CSMD3: variants seen among roughly 807,000 people sequenced by gnomAD.
CSMD3 encodes the protein CUB and sushi domain-containing protein 3.
Under a neutral mutation model 435.2 loss-of-function variants are expected in CSMD3, and 177 were observed. The ratio of observed to expected loss-of-function variants is 0.41; its 90% CI spans 0.36 to 0.46. The LOEUF (loss-of-function observed/expected upper bound fraction) is 0.46, where lower values mean the gene tolerates loss of function less well. Among genes scored for constraint, CSMD3 ranks in the 20% least tolerant of loss-of-function variants. CSMD3 has a pLI of 0.34. For synonymous variants in CSMD3, 1,656 were observed against 1,520.5 expected, an observed-to-expected ratio of 1.09 and a Z score of -2.07; for missense variants, 4,265 against 4,504.6, an observed-to-expected ratio of 0.95 and a Z score of 1.52.
At chr8:113,374,367 C>T (rs776900918) in intron 1 of CSMD3, among the ~76,000 whole-genome samples, 3 of 151,934 alleles carry the variant, frequency 2.0e-5, no homozygotes, top group Non-Finnish European at 4.4e-5. Flanking sequence ...ATTATTTTAA[C>T]GAATGAGACA....
At chr8:113,205,494 G>A (rs150548150) in intron 3 of CSMD3, among the ~76,000 whole-genome samples, 1 of 152,220 alleles carries the variant, frequency 6.6e-6, no homozygotes, top group East Asian at 1.9e-4. Context: ...ATATCATACA[G>A]CCTAGGTGTG....
At chr8:112,226,042 T>C (rs1021650879) in intron 70 of CSMD3, among the ~76,000 whole-genome samples, 1 of 152,192 alleles carries the variant, frequency 6.6e-6, no homozygotes, top group Non-Finnish European at 1.5e-5. Flanking sequence ...TTGTTTATAC[T>C]GAACAATCGA....
At chr8:112,248,637 C>A (rs181423914) in intron 63 of CSMD3, among the ~76,000 whole-genome samples, 6 of 152,060 alleles carry the variant, frequency 3.9e-5, no homozygotes, top group African/African-American at 1.2e-4. Flanking sequence ...ATTCCTACCC[C>A]CTCTTGAGCG....
chr8:112,927,689 T>C (rs955314712), intron 9 of CSMD3, among the ~76,000 whole-genome samples: 1 of 152,106 alleles, frequency 6.6e-6, no homozygotes, highest in African/African-American at 2.4e-5. Context: ...TACCAAAACT[T>C]TTCTTCAAAA....
intron 18 of CSMD3, 69 bp from the exon 19 acceptor site, chr8:112,650,418 A>T (rs1193451000): frequency 8.2e-7 from 1 of 1,213,192 alleles, no homozygotes. Flanking sequence ...AATAATTCCT[A>T]GTTCTTCAAA....
intron 1 of CSMD3, among the ~76,000 whole-genome samples, chr8:113,385,905 T>A (rs1282355046): frequency 2.0e-5 from 3 of 152,100 alleles, no homozygotes; most frequent in African/African-American, 7.2e-5. Context: ...TTTCCTCATC[T>A]TTAGAGGTCA....
chr8:113,181,073 C>T (rs557837508), intron 3 of CSMD3, among the ~76,000 whole-genome samples: 12 of 151,732 alleles, frequency 7.9e-5, no homozygotes, highest in Middle Eastern at 6.8e-3. Flanking sequence ...TGAAAGGGAA[C>T]CCAAATAAAT....
chr8:112,837,354 T>C (rs1375186193), intron 11 of CSMD3, among the ~76,000 whole-genome samples: 2 of 151,774 alleles, frequency 1.3e-5, no homozygotes, highest in Non-Finnish European at 2.9e-5. Context: ...ATGCTTTAAC[T>C]AATGCCAATA....
chr8:112,342,159 T>C (rs1825184179), intron 41 of CSMD3, among the ~76,000 whole-genome samples: 1 of 152,118 alleles, frequency 6.6e-6, no homozygotes, highest in African/African-American at 2.4e-5. Context: ...AGAAATTAAC[T>C]TCTCAGAAAT....
At chr8:112,653,019 G>A (rs142450683) in intron 18 of CSMD3, among the ~76,000 whole-genome samples, 1 of 152,128 alleles carries the variant, frequency 6.6e-6, no homozygotes, top group East Asian at 1.9e-4. Context: ...GTTTCACCAC[G>A]TTGGCCAGGC....
At chr8:112,408,493 C>T (rs1298547626) in intron 33 of CSMD3, 80 bp from the exon 34 acceptor site, 1 of 892,424 alleles carries the variant, frequency 1.1e-6, no homozygotes, top group Admixed American at 1.7e-5. Flanking sequence ...TAATCTTACA[C>T]TGTCATTTGA....
chr8:113,378,984 T>C (rs144841719), intron 1 of CSMD3, among the ~76,000 whole-genome samples: 1 of 152,322 alleles, frequency 6.6e-6, no homozygotes, highest in African/African-American at 2.4e-5. Flanking sequence ...AAGGAGCTTG[T>C]AGTCCATGAC....
Position 113,282,357 on chromosome 8 carries a change from T to A in CSMD3, c.402-3653A>T, listed in dbSNP as rs187983099. On this transcript the variant is annotated intron_variant, in intron 2 of 70. Transcript: ENST00000297405. Reference sequence around the variant, plus strand: ...GACTCCTCCAGAAAGCTCCTGGAACTGATAAAAGAATTCAGCAAAGTTTCC... The same window carrying A: ...GACTCCTCCAGAAAGCTCCTGGAACAGATAAAAGAATTCAGCAAAGTTTCC... Among the ~76,000 whole-genome samples the A allele has an allele frequency of 5.1e-3, 777 of 152,130 alleles. 10 individuals carry two copies. The highest frequency in any genetic ancestry group is 0.018 in the African/African-American group (750 of 41,540).
intron 3 of CSMD3, among the ~76,000 whole-genome samples, chr8:113,239,708 C>G: frequency 6.6e-6 from 1 of 152,012 alleles, no homozygotes; most frequent in Middle Eastern, 3.4e-3. Context: ...AAAGTCTAGA[C>G]TGCTGTGAAG....
intron 61 of CSMD3, among the ~76,000 whole-genome samples, chr8:112,260,995 G>A (rs967964500): frequency 6.6e-6 from 1 of 152,082 alleles, no homozygotes; most frequent in African/African-American, 2.4e-5. Context: ...CCTAGAAGGA[G>A]CTCCTTTGGA....
intron 5 of CSMD3, among the ~76,000 whole-genome samples, chr8:113,070,472 C>A (rs1362759304): frequency 6.6e-6 from 1 of 151,904 alleles, no homozygotes; most frequent in East Asian, 1.9e-4. Flanking sequence ...TACTTAAGAT[C>A]TATCATCTTA....
chr8:112,936,920 A>G (rs1173762184), intron 9 of CSMD3, among the ~76,000 whole-genome samples: 2 of 152,140 alleles, frequency 1.3e-5, no homozygotes, highest in Non-Finnish European at 2.9e-5. Flanking sequence ...AACTACCTGT[A>G]GCCTCAATTG....
At chr8:113,050,428 T>C (rs1303473155) in intron 5 of CSMD3, among the ~76,000 whole-genome samples, 2 of 152,072 alleles carry the variant, frequency 1.3e-5, no homozygotes, top group Non-Finnish European at 2.9e-5. Context: ...TTATGGATGA[T>C]TGGTGATCTG....
At chr8:113,109,735 C>A (rs2090582878) in intron 4 of CSMD3, among the ~76,000 whole-genome samples, 1 of 152,146 alleles carries the variant, frequency 6.6e-6, no homozygotes, top group Non-Finnish European at 1.5e-5. Flanking sequence ...GTCTACTGGT[C>A]TGGATTCTCT....
Sources: allele counts gnomAD v4.1 joint callset (sites outside exome capture counted in the v4.1 genomes callset), GRCh38; gene constraint gnomAD v4.1.1; transcripts MANE v1.5; gene names NCBI Gene and HGNC (gene_info 2026-07-23, HGNC 2026-07-21).